POLE3: variants seen among roughly 807,000 people sequenced by gnomAD.
The protein encoded by POLE3 is DNA polymerase epsilon 3, accessory subunit, also known as DNA polymerase epsilon subunit 3.
POLE3 carries 10 observed loss-of-function variants against 16.1 expected under a neutral mutation model. The ratio of observed to expected loss-of-function variants is 0.62; its 90% CI spans 0.38 to 1.05. POLE3 has a LOEUF of 1.05. Ranked by LOEUF, POLE3 falls within the 50% of genes least tolerant of loss-of-function variation. The pLI is 0.01. For synonymous variants in POLE3, 83 were observed against 71.0 expected (o/e 1.17, Z -0.85); for missense variants, 169 against 185.0 (o/e 0.91, Z 0.50).
chr9:113,409,304 G>A (rs1011561324), intron 4 of POLE3, among the ~76,000 whole-genome samples: 52 of 146,162 alleles, frequency 3.6e-4, no homozygotes, highest in African/African-American at 1.2e-3. Flanking sequence ...AGACTGCGGT[G>A]AGCTGAGATC....
chr9:113,408,103 C>T lies in POLE3; in HGVS notation c.*708G>A, dbSNP rs112101446. ...ATGCCATCTGTTTTTGTAAAAGACA[C>T]TGGCACCATGTTTGACTAATACCAT... On this transcript the variant is annotated 3_prime_UTR_variant, in exon 5 of 5. Transcript: ENST00000374171. 2 of 152,356 alleles carry T rather than the reference C, an allele frequency of 1.3e-5. No individual in the cohort carries two copies. The highest frequency in any genetic ancestry group is 4.8e-5 in the African/African-American group (2 of 41,458). The allele number at this position is 152,356 out of a possible 1,614,324, so 9.4% of individuals were successfully genotyped here.
At chr9:113,409,907 AT>A (rs1438069489) in intron 3 of POLE3, 147 bp downstream of exon 3, 2 of 761,972 alleles carry the variant, frequency 2.6e-6, no homozygotes, top group Non-Finnish European at 4.2e-6. Context: ...TTGTTGTGTT[AT>A]TTTGCTTCAG....
At chr9:113,409,351 C>T (rs1206631527) in intron 4 of POLE3, among the ~76,000 whole-genome samples, 1 of 126,638 alleles carries the variant, frequency 7.9e-6, no homozygotes. Flanking sequence ...CAGAGCAAGA[C>T]TCCGTCTCAA....
Position 113,410,340 on chromosome 9 carries a change from C to A in POLE3, c.-47G>T. 1 of 1,564,476 alleles carries A rather than the reference C, an allele frequency of 6.4e-7. No individual in the cohort carries two copies. The highest frequency in any genetic ancestry group is 8.7e-7 in the Non-Finnish European group (1 of 1,143,746). On this transcript the variant is annotated 5_prime_UTR_variant, in exon 2 of 5. Coordinates refer to ENST00000374171, the MANE Select transcript of POLE3 (RefSeq NM_017443.5). The stretch of plus-strand genomic sequence containing the variant: ...TCCCCTTCGCCTCCGCTTCAGGGAG[C>A]TACTGCGTCCGGACTTCCCGCGTCG...
rs376007619 is a variant in POLE3 at position 113,410,325 on chromosome 9, C to G, written c.-32G>C. On this transcript the variant is annotated 5_prime_UTR_variant, in exon 2 of 5. Transcript: ENST00000374171. ...CGCTGGGGCTTAAACTCCCCTTCGCCTCCGCTTCAGGGAGCTACTGCGTCC... is the reference window on the plus strand; with the variant it reads ...CGCTGGGGCTTAAACTCCCCTTCGCGTCCGCTTCAGGGAGCTACTGCGTCC... The G allele has an allele frequency of 2.5e-6, 4 of 1,603,146 alleles. No individual in the cohort carries two copies. The African/African-American group carries it at 4.0e-5, about 16-fold the overall frequency.
In POLE3 at chr9:113,408,788, G is replaced by A; in HGVS notation, c.*23C>T. ...TCTCATTTCAAGTGGTACCTTCCAA[G>A]GTGCCACAGTCTCCCGCCCTTTTCA... is the stretch of plus-strand genomic sequence containing the variant. On this transcript the variant is annotated 3_prime_UTR_variant, in exon 5 of 5. Coordinates refer to ENST00000374171, the MANE Select transcript of POLE3 (RefSeq NM_017443.5). The A allele has an allele frequency of 2.5e-6, 4 of 1,594,176 alleles. No homozygotes were observed. Among genetic ancestry groups the A allele is most frequent in the South Asian group, 1.1e-5 (1 of 90,334 alleles).
In POLE3 at chr9:113,407,810, GA is replaced by G. The variant is rs748436730; in HGVS notation, c.*1000del. The G allele has an allele frequency of 1.9e-3, 286 of 153,138 alleles. 3 individuals carry two copies. Among genetic ancestry groups the G allele is most frequent in the Non-Finnish European group, 3.2e-4 (22 of 68,110 alleles). The allele number at this position is 153,138 out of a possible 1,614,324, so 9.5% of individuals were successfully genotyped here. A position where few individuals can be genotyped will look rare whatever the true frequency, so the allele number is the denominator to read the frequency against. ...GGTTATCAAAGCTTACAGACTGACA[GA>G]AGTGAGAAAAGGAGGCAGATGAGAA... On this transcript the variant is annotated 3_prime_UTR_variant, in exon 5 of 5. Transcript: ENST00000374171.
chr9:113,410,491 C>G (rs1828082839), intron 1 of POLE3, 83 bp from the exon 2 acceptor site: 20 of 608,952 alleles, frequency 3.3e-5, no homozygotes, highest in Non-Finnish European at 5.3e-5. Flanking sequence ...ACCGGCGCAT[C>G]CGGATTTTGA....
chr9:113,410,519 C>A lies in POLE3; in HGVS notation c.-116+98G>T. On this transcript the variant is annotated intron_variant, in intron 1 of 4. Transcript: ENST00000374171. The stretch of plus-strand genomic sequence containing the variant: ...GATTTTGAAGCCGCAGTGGTTTTGG[C>A]CCGCCAAGGCTTCCATCCAACCCTA... The A allele has an allele frequency of 5.0e-6, 3 of 597,454 alleles. No homozygotes were observed. The South Asian group carries it at 5.9e-5, about 12-fold the overall frequency. The allele number at this position is 597,454 out of a possible 1,614,324, so 37.0% of individuals were successfully genotyped here. A position where few individuals can be genotyped will look rare whatever the true frequency, so the allele number is the denominator to read the frequency against.
intron 1 of POLE3, 67 bp from the exon 2 acceptor site, chr9:113,410,475 T>A: frequency 1.6e-6 from 1 of 615,598 alleles, no homozygotes; most frequent in East Asian, 2.8e-5. Context: ...CGCCTCCGCC[T>A]CAAATACCGG....
In POLE3 at chr9:113,407,852, AGAG is replaced by A. The variant is rs1482306896; in HGVS notation, c.*956_*958del. ...CAGATGAGAAAGTGGGATGGGGAGCAGAGGAGAGGCAGGAGAGAGAAAGGAAGC... is the reference window on the plus strand; with the variant it reads ...CAGATGAGAAAGTGGGATGGGGAGCAGAGAGGCAGGAGAGAGAAAGGAAGC... On this transcript the variant is annotated 3_prime_UTR_variant, in exon 5 of 5. Coordinates refer to ENST00000374171, the MANE Select transcript of POLE3 (RefSeq NM_017443.5). 1 of 153,052 alleles carries A rather than the reference AGAG, an allele frequency of 6.5e-6. No homozygotes were observed. The highest frequency in any genetic ancestry group is 1.5e-5 in the Non-Finnish European group (1 of 68,140). 9.5% of individuals were successfully genotyped at this position (153,052 alleles called of 1,614,324 possible). A position where few individuals can be genotyped will look rare whatever the true frequency, so the allele number is the denominator to read the frequency against.
chr9:113,410,384 AG>A lies in POLE3; in HGVS notation c.-92del, dbSNP rs1828077593. The A allele has an allele frequency of 1.0e-5, 13 of 1,263,790 alleles. No individual in the cohort carries two copies. Among genetic ancestry groups the A allele is most frequent in the Non-Finnish European group, 1.3e-5 (12 of 890,784 alleles). 78.3% of individuals were successfully genotyped at this position (1,263,790 alleles called of 1,614,324 possible). ...CGCGTCGCTACGGTCTGACCCTGCG[AG>A]GTTTCCGTTCCGCCCCACGTGGCCT... is the stretch of plus-strand genomic sequence containing the variant. On this transcript the variant is annotated 5_prime_UTR_variant, in exon 2 of 5. Coordinates refer to ENST00000374171, the MANE Select transcript of POLE3 (RefSeq NM_017443.5).
rs756957610 is a variant in POLE3 at position 113,410,335 on chromosome 9, G to A, written c.-42C>T. 1 of 1,578,884 alleles carries A rather than the reference G, an allele frequency of 6.3e-7. No homozygotes were observed. Among genetic ancestry groups the A allele is most frequent in the South Asian group, 1.1e-5 (1 of 88,856 alleles). On this transcript the variant is annotated 5_prime_UTR_variant, in exon 2 of 5. Coordinates refer to ENST00000374171, the MANE Select transcript of POLE3 (RefSeq NM_017443.5). ...TAAACTCCCCTTCGCCTCCGCTTCA[G>A]GGAGCTACTGCGTCCGGACTTCCCG...
rs1174649124 is a variant in POLE3, at chr9:113,410,316, C to T, written c.-23G>A. On this transcript the variant is annotated 5_prime_UTR_variant, in exon 2 of 5. Coordinates refer to ENST00000374171, the MANE Select transcript of POLE3 (RefSeq NM_017443.5). The stretch of plus-strand genomic sequence containing the variant: ...CATTGCCGCCGCTGGGGCTTAAACT[C>T]CCCTTCGCCTCCGCTTCAGGGAGCT... 6.2e-7 allele frequency: 1 copy of T among 1,608,664 alleles called. No homozygotes were observed. Among genetic ancestry groups the T allele is most frequent in the African/African-American group, 1.3e-5 (1 of 74,848 alleles).
Position 113,410,392 on chromosome 9 carries a change from G to A in POLE3, c.-99C>T. 1 of 1,144,182 alleles carries A rather than the reference G, an allele frequency of 8.7e-7. No homozygotes were observed. 70.9% of individuals were successfully genotyped at this position (1,144,182 alleles called of 1,614,324 possible). A position where few individuals can be genotyped will look rare whatever the true frequency, so the allele number is the denominator to read the frequency against. The stretch of plus-strand genomic sequence containing the variant: ...TACGGTCTGACCCTGCGAGGTTTCC[G>A]TTCCGCCCCACGTGGCCTACAGTGT... On this transcript the variant is annotated 5_prime_UTR_variant, in exon 2 of 5. In the 5' UTR this introduces an upstream ATG that the reference lacks. Transcript: ENST00000374171.
At chr9:113,409,767 G>A in intron 3 of POLE3, 39 bp from the exon 4 acceptor site, 1 of 1,350,262 alleles carries the variant, frequency 7.4e-7, no homozygotes, top group Non-Finnish European at 1.1e-6. Flanking sequence ...CCTCTTGTTT[G>A]TAAGGCGTGA....
intron 4 of POLE3, among the ~76,000 whole-genome samples, chr9:113,409,191 G>A (rs1487215790): frequency 6.6e-6 from 1 of 151,790 alleles, no homozygotes; most frequent in Non-Finnish European, 1.5e-5. Context: ...GTGAAACCCC[G>A]TCTCTACAAA....
Position 113,408,499 on chromosome 9 carries a change from A to G in POLE3, c.*312T>C. ...TATTTGGGGGACTAGGGAAGACTGC[A>G]GATCAAAAACCATCTAACCATACAT... On this transcript the variant is annotated 3_prime_UTR_variant, in exon 5 of 5. Coordinates refer to ENST00000374171, the MANE Select transcript of POLE3 (RefSeq NM_017443.5). 1 of 202,172 alleles carries G rather than the reference A, an allele frequency of 4.9e-6. No homozygotes were observed. The highest frequency in any genetic ancestry group is 1.0e-5 in the Non-Finnish European group (1 of 97,836). 12.5% of individuals were successfully genotyped at this position (202,172 alleles called of 1,614,324 possible).
At chr9:113,409,566 G>A (rs373100591) in intron 4 of POLE3, 44 bp downstream of exon 4, 105 of 1,176,166 alleles carry the variant, frequency 8.9e-5, no homozygotes, top group South Asian at 3.5e-4. Flanking sequence ...GGTCACACAG[G>A]ATGACCATCT....
Sources: gnomAD v4.1 joint callset for allele counts (sites outside exome capture counted in the v4.1 genomes callset) on GRCh38, gnomAD v4.1.1 for gene constraint, MANE v1.5 for transcripts, NCBI Gene and HGNC (gene_info 2026-07-23, HGNC 2026-07-21) for gene names.